The following ERO1A variants were observed in gnomAD, a reference collection of about 807,000 sequenced individuals.
The protein encoded by ERO1A is ERO1-like protein alpha.
ERO1A carries 49 observed loss-of-function variants against 76.9 expected under a neutral mutation model. The ratio of observed to expected loss-of-function variants is 0.64; its 90% CI spans 0.51 to 0.81. The LOEUF (loss-of-function observed/expected upper bound fraction) is 0.81. Among genes scored for constraint, ERO1A ranks in the 30% least tolerant of loss-of-function variants. The pLI is 0.00. For missense variants in ERO1A, 448 were observed against 542.1 expected, an observed-to-expected ratio of 0.83 and a Z score of 1.72; for synonymous variants, 174 against 181.2, an observed-to-expected ratio of 0.96 and a Z score of 0.32.
intron 1 of ERO1A, among the ~76,000 whole-genome samples, chr14:52,690,987 G>A (rs1347451901): frequency 6.6e-6 from 1 of 151,936 alleles, no homozygotes; most frequent in Non-Finnish European, 1.5e-5. Context: ...GACTGGTCTC[G>A]AACCCCCAAC....
intron 4 of ERO1A, among the ~76,000 whole-genome samples, chr14:52,674,695 G>C (rs1396483581): frequency 6.6e-6 from 1 of 152,222 alleles, no homozygotes; most frequent in East Asian, 1.9e-4. Context: ...GATGGAAAAT[G>C]TTCAAAACAG....
chr14:52,667,345 A>T (rs1320623800), intron 6 of ERO1A, among the ~76,000 whole-genome samples: 1 of 152,214 alleles, frequency 6.6e-6, no homozygotes, highest in African/African-American at 2.4e-5. Context: ...TGGGCTCTGG[A>T]GCCAGAACAC....
At chr14:52,684,492 G>A (rs1178559298) in intron 1 of ERO1A, among the ~76,000 whole-genome samples, 1 of 152,094 alleles carries the variant, frequency 6.6e-6, no homozygotes, top group Non-Finnish European at 1.5e-5. Context: ...GTATCTGAGG[G>A]GTTTCCAGCT....
intron 3 of ERO1A, among the ~76,000 whole-genome samples, chr14:52,679,532 C>A (rs759470590): frequency 4.0e-5 from 6 of 151,738 alleles, no homozygotes; most frequent in Non-Finnish European, 7.4e-5. Context: ...TGTACCTCAG[C>A]CTCCCGAGTG....
chr14:52,675,397 A>G (rs1289995852), intron 4 of ERO1A, among the ~76,000 whole-genome samples: 1 of 151,998 alleles, frequency 6.6e-6, no homozygotes, highest in Non-Finnish European at 1.5e-5. Context: ...AAAAAAAAAA[A>G]GGTGGTGGAA....
At chr14:52,668,738 T>C (rs1347443496) in intron 6 of ERO1A, among the ~76,000 whole-genome samples, 1 of 148,750 alleles carries the variant, frequency 6.7e-6, no homozygotes, top group Non-Finnish European at 1.5e-5. Context: ...AAAAAATAAA[T>C]ATTACTATAT....
Sources: gnomAD v4.1 joint callset for allele counts (sites outside exome capture counted in the v4.1 genomes callset) on GRCh38, gnomAD v4.1.1 for gene constraint, MANE v1.5 for transcripts, NCBI Gene and HGNC (gene_info 2026-07-23, HGNC 2026-07-21) for gene names.